The following XAB2 variants were observed in gnomAD, a reference collection of about 807,000 sequenced individuals.
XAB2 encodes the protein pre-mRNA-splicing factor SYF1.
In XAB2, 57 loss-of-function variants were observed where a neutral mutation model predicts 113.4. The ratio of observed to expected loss-of-function variants is 0.50; its 90% CI spans 0.41 to 0.63. The LOEUF (loss-of-function observed/expected upper bound fraction) is 0.63. Ranked by LOEUF, XAB2 falls within the 20% of genes least tolerant of loss-of-function variation. XAB2 has a pLI of 0.00. For synonymous variants in XAB2, 497 were observed against 498.8 expected (o/e 1.00, Z 0.05); for missense variants, 1,037 against 1,233.3 (o/e 0.84, Z 2.38).
In XAB2 at chr19:7,622,889, C is replaced by T. The variant is rs1290081390; in HGVS notation, c.1244G>A (p.Arg415His). The T allele has an allele frequency of 5.0e-6, 8 of 1,613,264 alleles. No homozygotes were observed. The highest frequency in any genetic ancestry group is 2.2e-5 in the East Asian group (1 of 44,830). Residue 415 changes from arginine to histidine, a missense_variant, in exon 10 of 19, where the codon CGT (arginine) becomes CAT (histidine). Physicochemically the swap from Arg to His is conservative, Grantham distance 29. Coordinates refer to ENST00000358368, the MANE Select transcript of XAB2 (RefSeq NM_020196.3). ...CTTGGTGGCCTTCTCCAGGATGACA[C>T]GGGCCTGCCGGGGCGGGCAGAGGCG... ...YEDNGQLDDA[R>H]VILEKATKVN...
Position 7,623,312 on chromosome 19 carries a change from C to G in XAB2, c.1120-23G>C. On this transcript the variant is annotated intron_variant, in intron 8 of 18. Transcript: ENST00000358368. This position sits in a 1 kb window ranked among gnomAD's most constrained non-coding sequence, Gnocchi z 4.6. ...GATCTGGGGACAGGAGGGAGGAGGT[C>G]ATATAGGACTCAGGACCCTGCAGAT... 2 of 1,612,306 alleles carry G rather than the reference C, an allele frequency of 1.2e-6. No individual in the cohort carries two copies. Among genetic ancestry groups the G allele is most frequent in the Non-Finnish European group, 1.7e-6 (2 of 1,179,772 alleles).
intron 13 of XAB2, 21 bp downstream of exon 13, chr19:7,621,114 C>T (rs751146462): frequency 1.1e-5 from 17 of 1,546,030 alleles, no homozygotes; most frequent in Non-Finnish European, 1.5e-5. Context: ...CCACCCCCCC[C>T]ATGCCCTCTG....
chr19:7,626,329 C>T (rs910420387), intron 4 of XAB2, 59 bp from the exon 5 acceptor site: 18 of 1,580,510 alleles, frequency 1.1e-5, no homozygotes, highest in Middle Eastern at 1.7e-4. Context: ...GCCCACCTCC[C>T]GATTCAGTGG....
chr19:7,622,199 A>T, intron 12 of XAB2, 132 bp downstream of exon 12: 1 of 878,560 alleles, frequency 1.1e-6, no homozygotes, highest in Non-Finnish European at 1.8e-6. Context: ...GGGAGAAGCT[A>T]AATCTTTGTT....
At position 7,622,441 on chromosome 19, in the gene XAB2, T is replaced by A; in HGVS notation, c.1507A>T (p.Thr503Ser). The change falls in exon 12 of 19, where the codon ACC becomes TCC. Residue 503 changes from threonine to serine, a missense_variant. By Grantham distance (58) the Thr-to-Ser change is moderately conservative (BLOSUM62 1). Coordinates refer to ENST00000358368, the MANE Select transcript of XAB2 (RefSeq NM_020196.3). ...LEESLGTFQS[T>S]KAVYDRILDL... ...AGGATGCGGTCGTACACGGCCTTGG[T>A]GGACTGCAGGGGTGGGGATGGGAAA... 3 of 1,614,130 alleles carry A rather than the reference T, an allele frequency of 1.9e-6. No homozygotes were observed. Among genetic ancestry groups the A allele is most frequent in the Non-Finnish European group, 2.5e-6 (3 of 1,180,018 alleles).
In XAB2 at chr19:7,627,952, G is replaced by A. The variant is rs1373009919; in HGVS notation, c.201-101C>T. ...TGGCAAATGTGGGAAGAAGGGGTGT[G>A]GGAGGGGTGACATGTCTCAGCAATG... On this transcript the variant is annotated intron_variant, in intron 2 of 18. Transcript: ENST00000358368. The surrounding 1 kb of genome is among the most constrained non-coding windows in gnomAD (Gnocchi z 4.5). The A allele has an allele frequency of 6.5e-7, 1 of 1,545,990 alleles. No homozygotes were observed. Among genetic ancestry groups the A allele is most frequent in the East Asian group, 2.3e-5 (1 of 44,262 alleles).
rs117645581 is a variant in XAB2, at chr19:7,620,424, G to A, written c.2117C>T (p.Thr706Met). 1.7e-4 allele frequency: 276 copies of A among 1,610,196 alleles called. 1 individual carries two copies. In the East Asian group the frequency reaches 5.2e-3, roughly 30 times the overall value. ...DPRTTGAFWQ[T>M]WKDFEVRHGN... ...ATGCCGGACCTCAAAGTCCTTCCAC[G>A]TCTGCCAGAACGCGCCGGTCGTCTG... The change falls in exon 16 of 19, where the codon ACG (threonine) becomes ATG (methionine). Residue 706 changes from threonine (T) to methionine (M), a missense_variant. By Grantham distance (81) the Thr-to-Met change is moderately conservative. Coordinates refer to ENST00000358368, the MANE Select transcript of XAB2 (RefSeq NM_020196.3).
Position 7,621,015 on chromosome 19 carries a change from T to C in XAB2, c.1802A>G (p.Gln601Arg). The C allele has an allele frequency of 6.4e-7, 1 of 1,560,254 alleles. No individual in the cohort carries two copies. The highest frequency in any genetic ancestry group is 8.7e-7 in the Non-Finnish European group (1 of 1,154,092). The change falls in exon 14 of 19, where the codon CAG becomes CGG. Residue 601 changes from glutamine (Q) to arginine (R), a missense_variant. Physicochemically the swap from Gln to Arg is conservative, Grantham distance 43. Coordinates refer to ENST00000358368, the MANE Select transcript of XAB2 (RefSeq NM_020196.3). ...GGCCAGGCCCCACTCCTCCTCCAGC[T>C]GTGCGTACAGCAGGTACAAGGCTGG... is the stretch of plus-strand genomic sequence containing the variant. The part of the protein sequence containing the change: ...YAKTLYLLYA[Q>R]LEEEWGLARH...
chr19:7,624,552 A>G lies in XAB2; in HGVS notation c.823-107T>C. 1 of 1,525,448 alleles carries G rather than the reference A, an allele frequency of 6.6e-7. No individual in the cohort carries two copies. The highest frequency in any genetic ancestry group is 8.9e-7 in the Non-Finnish European group (1 of 1,124,786). The allele number at this position is 1,525,448 out of a possible 1,614,324, so 94.5% of individuals were successfully genotyped here. A position where few individuals can be genotyped will look rare whatever the true frequency, so the allele number is the denominator to read the frequency against. On this transcript the variant is annotated intron_variant, in intron 6 of 18. Coordinates refer to ENST00000358368, the MANE Select transcript of XAB2 (RefSeq NM_020196.3). This position sits in a 1 kb window ranked among gnomAD's most constrained non-coding sequence, Gnocchi z 4.2. ...TGGAACCCCTGGGGGCCTTCTGGGT[A>G]GTGACGCATCCAGCACCTCTGGGTA...
At position 7,628,038 on chromosome 19, in the gene XAB2, G is replaced by T; in HGVS notation, c.200+112C>A. The T allele has an allele frequency of 6.7e-7, 1 of 1,481,986 alleles. No homozygotes were observed. Among genetic ancestry groups the T allele is most frequent in the Non-Finnish European group, 9.1e-7 (1 of 1,099,790 alleles). 91.8% of individuals were successfully genotyped at this position (1,481,986 alleles called of 1,614,324 possible). A position where few individuals can be genotyped will look rare whatever the true frequency, so the allele number is the denominator to read the frequency against. On this transcript the variant is annotated intron_variant, in intron 2 of 18. Coordinates refer to ENST00000358368, the MANE Select transcript of XAB2 (RefSeq NM_020196.3). This position sits in a 1 kb window ranked among gnomAD's most constrained non-coding sequence, Gnocchi z 4.6. ...GACCCATCAAGGGATGTACAGGTCA[G>T]TGATGAAACACGAAGCAATCACCCG...
In XAB2 at chr19:7,627,595, C is replaced by A. The variant is rs1283714546; in HGVS notation, c.324+133G>T. On this transcript the variant is annotated intron_variant, in intron 3 of 18. Coordinates refer to ENST00000358368, the MANE Select transcript of XAB2 (RefSeq NM_020196.3). This position sits in a 1 kb window ranked among gnomAD's most constrained non-coding sequence, Gnocchi z 4.5. ...AGCTCCAGGACTGAGTCCAGCCCAA[C>A]TTCCCATGCAAAGAAGCAACAGGAA... 8 of 1,531,630 alleles carry A rather than the reference C, an allele frequency of 5.2e-6. No homozygotes were observed. Among genetic ancestry groups the A allele is most frequent in the Middle Eastern group, 2.4e-4 (1 of 4,196 alleles). 94.9% of individuals were successfully genotyped at this position (1,531,630 alleles called of 1,614,324 possible). A position where few individuals can be genotyped will look rare whatever the true frequency, so the allele number is the denominator to read the frequency against.
rs901446128 is a variant in XAB2, at chr19:7,619,973, C to T, written c.2369G>A (p.Arg790His). The T allele has an allele frequency of 4.5e-5, 73 of 1,612,024 alleles. No individual in the cohort carries two copies. Among genetic ancestry groups the T allele is most frequent in the Non-Finnish European group, 6.2e-5 (73 of 1,179,948 alleles). The change falls in exon 17 of 19, where the codon CGC (arginine) becomes CAC (histidine). Residue 790 changes from arginine (R) to histidine (H), a missense_variant. By Grantham distance (29) the Arg-to-His change is conservative (BLOSUM62 0). Transcript: ENST00000358368. Reference protein sequence around the residue: ...AAEAERDQPLRAQSKILFVRS... With the variant: ...AAEAERDQPLHAQSKILFVRS... Reference sequence around the variant, plus strand: ...CACGAACAGGATCTTGCTCTGGGCGCGCAAGGGCTGGTCACGCTCCGCCTC... The same window carrying T: ...CACGAACAGGATCTTGCTCTGGGCGTGCAAGGGCTGGTCACGCTCCGCCTC...
chr19:7,619,888 AC>A (rs2030990465), intron 17 of XAB2, 32 bp from the exon 18 acceptor site: 3 of 1,609,588 alleles, frequency 1.9e-6, no homozygotes, highest in East Asian at 4.5e-5. Flanking sequence ...TCAGTTCCCC[AC>A]CCCGGGCCCC....
rs2031016738 is a variant in XAB2 at position 7,620,877 on chromosome 19, T to G, written c.1940A>C (p.His647Pro). Reference sequence around the variant, plus strand: ...GGCCTTCTGGTAGATGCCGCGGGTGTGGGTGACCCCATAGATCTCGGCCGC... The same window carrying G: ...GGCCTTCTGGTAGATGCCGCGGGTGGGGGTGACCCCATAGATCTCGGCCGC... ...KRAAEIYGVT[H>P]TRGIYQKAIE... The change falls in exon 14 of 19, where the codon CAC becomes CCC. Residue 647 changes from histidine (H) to proline (P), a missense_variant. His to Pro is a moderately conservative substitution (Grantham distance 77, BLOSUM62 -2). Coordinates refer to ENST00000358368, the MANE Select transcript of XAB2 (RefSeq NM_020196.3). 6.3e-7 allele frequency: 1 copy of G among 1,596,872 alleles called. No homozygotes were observed. Among genetic ancestry groups the G allele is most frequent in the Non-Finnish European group, 8.5e-7 (1 of 1,171,436 alleles).
Position 7,624,259 on chromosome 19 carries a change from A to G in XAB2, c.967+42T>C, listed in dbSNP as rs765348713. The G allele has an allele frequency of 2.5e-6, 4 of 1,607,340 alleles. No individual in the cohort carries two copies. The East Asian group carries it at 6.7e-5, about 27-fold the overall frequency. ...TGTCCCGCCCCTACCGCTAATGTCC[A>G]CTCAGCTCTCTCCCCACCAGCCGGG... is the stretch of plus-strand genomic sequence containing the variant. On this transcript the variant is annotated intron_variant, in intron 7 of 18. Coordinates refer to ENST00000358368, the MANE Select transcript of XAB2 (RefSeq NM_020196.3). This position sits in a 1 kb window ranked among gnomAD's most constrained non-coding sequence, Gnocchi z 4.2.
intron 17 of XAB2, 39 bp from the exon 18 acceptor site, chr19:7,619,895 G>A (rs1406748723): frequency 3.1e-6 from 5 of 1,609,508 alleles, no homozygotes; most frequent in African/African-American, 2.7e-5. Context: ...CCCACCCCGG[G>A]CCCCCTTGGG....
rs1032793702 is a variant in XAB2 at position 7,628,992 on chromosome 19, T to C, written c.51+485A>G. Reference sequence around the variant, plus strand: ...CAGAGAGTAAGTATTTCACTGGCCATCGCCTGACAAGCTCCACATCACCAG... The same window carrying C: ...CAGAGAGTAAGTATTTCACTGGCCACCGCCTGACAAGCTCCACATCACCAG... On this transcript the variant is annotated intron_variant, in intron 1 of 18. Transcript: ENST00000358368. The surrounding 1 kb of genome is among the most constrained non-coding windows in gnomAD (Gnocchi z 4.6). 1.3e-5 allele frequency among the ~76,000 whole-genome samples: 2 copies of C among 152,168 alleles called. No homozygotes were observed. Among genetic ancestry groups the C allele is most frequent in the Non-Finnish European group, 2.9e-5 (2 of 68,036 alleles).
rs1017384078 is a variant in XAB2 at position 7,625,763 on chromosome 19, G to A, written c.822+117C>T. 5 of 1,371,832 alleles carry A rather than the reference G, an allele frequency of 3.6e-6. No homozygotes were observed. In the African/African-American group the frequency reaches 7.3e-5, roughly 20 times the overall value. 85.0% of individuals were successfully genotyped at this position (1,371,832 alleles called of 1,614,324 possible). ...CAAAGTGCTGGGATGACAGGTGTGA[G>A]CCACCACACCCAGCCATAAATGGCA... On this transcript the variant is annotated intron_variant, in intron 6 of 18. Transcript: ENST00000358368. The surrounding 1 kb of genome is among the most constrained non-coding windows in gnomAD (Gnocchi z 5.2).
In XAB2 at chr19:7,627,283, A is replaced by T. The variant is rs2031159328; in HGVS notation, c.482T>A (p.Leu161Gln). 3 of 1,613,578 alleles carry T rather than the reference A, an allele frequency of 1.9e-6. No individual in the cohort carries two copies. The highest frequency in any genetic ancestry group is 1.6e-4 in the Middle Eastern group (1 of 6,072). Residue 161 changes from leucine (L) to glutamine (Q), a missense_variant, in exon 4 of 19, where the codon CTG (leucine) becomes CAG (glutamine). Leu to Gln is a moderately radical substitution (Grantham distance 113). Transcript: ENST00000358368. The surrounding 1 kb of genome is among the most constrained non-coding windows in gnomAD (Gnocchi z 4.5). ...ATAGCCTCGCACAGCTGTCTCAGGC[A>T]GTGGGTGTGAGCGCAGGAAGCGCAG... The part of the protein sequence containing the change: ...LYLRFLRSHP[L>Q]PETAVRGYRR...
Sources: allele counts gnomAD v4.1 joint callset (sites outside exome capture counted in the v4.1 genomes callset), GRCh38; gene constraint gnomAD v4.1.1; non-coding constraint Gnocchi (gnomAD v3.1); transcripts MANE v1.5; gene names NCBI Gene and HGNC (gene_info 2026-07-23, HGNC 2026-07-21).